The following LAMA2 variants were observed in gnomAD, a reference collection of about 807,000 sequenced individuals.
The protein encoded by LAMA2 is laminin subunit alpha 2, also known as laminin subunit alpha-2.
A neutral mutation model predicts 364.8 loss-of-function variants in LAMA2; 269 were observed. The ratio of observed to expected loss-of-function variants is 0.74; its 90% CI spans 0.67 to 0.82. The LOEUF is 0.82. Ranked by LOEUF, LAMA2 falls within the 40% of genes least tolerant of loss-of-function variation. The pLI, the probability that LAMA2 is intolerant of heterozygous loss-of-function variation, is 0.00. For missense variants in LAMA2, 3,807 were observed against 3,873.2 expected, an observed-to-expected ratio of 0.98 and a Z score of 0.45; for synonymous variants, 1,379 against 1,370.6, an observed-to-expected ratio of 1.01 and a Z score of -0.14.
At chr6:129,225,988 T>C (rs896073245) in intron 12 of LAMA2, among the ~76,000 whole-genome samples, 7 of 152,200 alleles carry the variant, frequency 4.6e-5, no homozygotes, top group African/African-American at 1.4e-4. Context: ...TGTAGGTCTC[T>C]AAGGACTTGC....
At chr6:129,406,824 G>T (rs1780271958) in intron 40 of LAMA2, among the ~76,000 whole-genome samples, 1 of 152,142 alleles carries the variant, frequency 6.6e-6, no homozygotes, top group Non-Finnish European at 1.5e-5. Flanking sequence ...ACAAGATGAA[G>T]TCCCACAATA....
At chr6:129,484,460 A>T (rs868842771) in intron 55 of LAMA2, among the ~76,000 whole-genome samples, 3 of 152,212 alleles carry the variant, frequency 2.0e-5, no homozygotes, top group South Asian at 2.1e-4. Flanking sequence ...GCATAATAAG[A>T]CATGTACAAG....
chr6:129,404,375 C>T (rs920297973), intron 40 of LAMA2, among the ~76,000 whole-genome samples: 61 of 152,186 alleles, frequency 4.0e-4, no homozygotes, highest in African/African-American at 1.4e-3. Flanking sequence ...TTAATAAAAA[C>T]ATACTGGATC....
chr6:129,231,215 T>C (rs1253109678), intron 12 of LAMA2, among the ~76,000 whole-genome samples: 4 of 152,164 alleles, frequency 2.6e-5, no homozygotes, highest in Non-Finnish European at 5.9e-5. Context: ...ATCTATTTAT[T>C]ATATCTAGCA....
chr6:129,034,558 A>G (rs1209013336), intron 1 of LAMA2, among the ~76,000 whole-genome samples: 1 of 151,578 alleles, frequency 6.6e-6, no homozygotes, highest in Admixed American at 6.6e-5. Flanking sequence ...TTGGGCTTCT[A>G]CTGAACCCAT....
chr6:129,366,475 A>G, intron 33 of LAMA2, 114 bp downstream of exon 33: 1 of 1,136,054 alleles, frequency 8.8e-7, no homozygotes, highest in South Asian at 1.3e-5. Context: ...AAGGGACACA[A>G]CTGTTAGGGA....
intron 1 of LAMA2, among the ~76,000 whole-genome samples, chr6:129,025,439 C>T (rs866375073): frequency 5.3e-5 from 8 of 151,970 alleles, no homozygotes; most frequent in African/African-American, 1.5e-4. Flanking sequence ...AAAATAGTGG[C>T]GTGAGAATGG....
intron 27 of LAMA2, among the ~76,000 whole-genome samples, chr6:129,318,902 G>A (rs1190301667): frequency 1.3e-5 from 2 of 152,094 alleles, no homozygotes; most frequent in African/African-American, 4.8e-5. Context: ...ACATTTTAAA[G>A]TTTATTTCCC....
chr6:129,188,612 G>C (rs143908568), intron 10 of LAMA2, among the ~76,000 whole-genome samples: 1 of 152,022 alleles, frequency 6.6e-6, no homozygotes, highest in Non-Finnish European at 1.5e-5. Context: ...CTGTAAGTCT[G>C]AAATTAGTTT....
chr6:129,005,987 T>C (rs1222502880), intron 1 of LAMA2, among the ~76,000 whole-genome samples: 1 of 151,992 alleles, frequency 6.6e-6, no homozygotes, highest in Non-Finnish European at 1.5e-5. Context: ...TTTGAGACTG[T>C]GTTTTTAACA....
Position 129,312,965 on chromosome 6 carries a change from C to T in LAMA2, c.3279C>T (p.Cys1093=), listed in dbSNP as rs371376404. The T allele has an allele frequency of 4.3e-6, 7 of 1,613,906 alleles. No homozygotes were observed. In the African/African-American group the frequency reaches 9.3e-5, roughly 22 times the overall value. ...PKFSGAKCTE[C]SRGHWNYPRC... ...TCTCTGGTGCAAAATGTACAGAGTG[C>T]AGTCGAGGTCACTGGAACTACCCTC... The change falls in exon 23 of 65, where the codon TGC becomes TGT. Residue 1093 remains cysteine, a synonymous_variant. Transcript: ENST00000421865.
chr6:129,489,929 TAA>T (rs11335861), intron 56 of LAMA2, among the ~76,000 whole-genome samples: 19 of 149,816 alleles, frequency 1.3e-4, no homozygotes, highest in East Asian at 3.9e-4. Context: ...ACTGAAACTG[TAA>T]AAAAAAAAAA....
chr6:129,459,738 C>G (rs1783150327), intron 48 of LAMA2, among the ~76,000 whole-genome samples: 1 of 151,934 alleles, frequency 6.6e-6, no homozygotes, highest in Non-Finnish European at 1.5e-5. Flanking sequence ...TATGCATGGC[C>G]CAAATTTGCC....
At chr6:129,288,173 A>T in intron 19 of LAMA2, 115 bp downstream of exon 19, 2 of 829,478 alleles carry the variant, frequency 2.4e-6, no homozygotes, top group Admixed American at 1.9e-5. Flanking sequence ...TACATGGTTG[A>T]TAGATGCATA....
At chr6:129,418,374 G>A (rs1273453803) in intron 40 of LAMA2, among the ~76,000 whole-genome samples, 5 of 151,676 alleles carry the variant, frequency 3.3e-5, no homozygotes, top group African/African-American at 4.9e-5. Context: ...ACAGGTGATC[G>A]CCAAATATAG....
At chr6:129,412,814 C>A (rs1780601290) in intron 40 of LAMA2, among the ~76,000 whole-genome samples, 1 of 152,148 alleles carries the variant, frequency 6.6e-6, no homozygotes, top group Non-Finnish European at 1.5e-5. Context: ...TAGGCCCCTA[C>A]CATACTGGCT....
intron 4 of LAMA2, among the ~76,000 whole-genome samples, chr6:129,115,922 G>A (rs922122671): frequency 7.2e-5 from 11 of 152,090 alleles, no homozygotes; most frequent in Admixed American, 1.3e-4. Flanking sequence ...ATTTCAGCAC[G>A]TTGCAGAAAG....
intron 1 of LAMA2, among the ~76,000 whole-genome samples, chr6:129,024,795 A>G (rs918572081): frequency 1.2e-4 from 19 of 152,224 alleles, no homozygotes; most frequent in African/African-American, 4.3e-4. Flanking sequence ...AGTCAGAGTA[A>G]AAAGTGAGAC....
intron 16 of LAMA2, among the ~76,000 whole-genome samples, chr6:129,267,754 C>G (rs1412216408): frequency 6.6e-6 from 1 of 152,090 alleles, no homozygotes; most frequent in Non-Finnish European, 1.5e-5. Context: ...TTCACCAGAG[C>G]TGCTTCTCCT....
Sources: gnomAD v4.1 joint callset for allele counts (sites outside exome capture counted in the v4.1 genomes callset) on GRCh38, gnomAD v4.1.1 for gene constraint, MANE v1.5 for transcripts, NCBI Gene and HGNC (gene_info 2026-07-23, HGNC 2026-07-21) for gene names.